Variants in USP40 observed in about 807,000 individuals in gnomAD.
USP40 encodes the protein ubiquitin carboxyl-terminal hydrolase 40.
A neutral mutation model predicts 166.2 loss-of-function variants in USP40; 143 were observed. That is an observed-to-expected ratio of 0.86 (90% CI 0.75 to 0.99). The LOEUF is 0.99. Ranked by LOEUF, USP40 falls within the 50% of genes least tolerant of loss-of-function variation. USP40 has a pLI of 0.00. For synonymous variants in USP40, 498 were observed against 524.0 expected, an observed-to-expected ratio of 0.95 and a Z score of 0.68; for missense variants, 1,444 against 1,479.7, an observed-to-expected ratio of 0.98 and a Z score of 0.40.
chr2:233,477,106 GA>G lies in USP40; in HGVS notation c.*285del, dbSNP rs959207850. On this transcript the variant is annotated 3_prime_UTR_variant, in exon 32 of 32. Transcript: ENST00000678225. ...CACGTTGTGCATTTTCTGGTTAAAAGAAAAAAAAAGGCAGCTGGGGCCGGGT... is the reference window on the plus strand; with the variant it reads ...CACGTTGTGCATTTTCTGGTTAAAAGAAAAAAAAGGCAGCTGGGGCCGGGT... The G allele has an allele frequency of 1.6e-4, 70 of 426,056 alleles. No homozygotes were observed. Among genetic ancestry groups the G allele is most frequent in the Middle Eastern group, 6.9e-4 (1 of 1,440 alleles). 26.4% of individuals were successfully genotyped at this position (426,056 alleles called of 1,614,324 possible).
intron 13 of USP40, among the ~76,000 whole-genome samples, chr2:233,526,193 T>C (rs838551): frequency 0.28 from 41,850 of 152,066 alleles, 6,668 homozygotes; most frequent in African/African-American, 0.45. Flanking sequence ...TATTTACAAG[T>C]GATTAGTTTG....
chr2:233,559,894 A>G lies in USP40; in HGVS notation c.298T>C (p.Leu100=). The part of the protein sequence containing the change: ...VRIIPLQLQR[L]FAQLLLLDQE... Reference sequence around the variant, plus strand: ...TCTAAGAGCAGAAGCTGAGCAAACAAGCGCTGTAACTGTAAAGGGATGATT... The same window carrying G: ...TCTAAGAGCAGAAGCTGAGCAAACAGGCGCTGTAACTGTAAAGGGATGATT... Residue 100 remains leucine (L), a synonymous_variant, in exon 4 of 32, where the codon TTG becomes CTG. Coordinates refer to ENST00000678225, the MANE Select transcript of USP40 (RefSeq NM_001365479.2). 1.2e-6 allele frequency: 2 copies of G among 1,609,014 alleles called. No homozygotes were observed. The highest frequency in any genetic ancestry group is 1.7e-6 in the Non-Finnish European group (2 of 1,177,718).
chr2:233,521,531 G>A (rs992254633), intron 16 of USP40, among the ~76,000 whole-genome samples: 3 of 152,168 alleles, frequency 2.0e-5, no homozygotes, highest in African/African-American at 7.2e-5. Flanking sequence ...TCTAAGGAGT[G>A]TCACACATGG....
Position 233,549,223 on chromosome 2 carries a change from A to C in USP40, c.844T>G (p.Leu282Val), listed in dbSNP as rs1408691249. The change falls in exon 8 of 32, where the codon TTG (leucine) becomes GTG (valine). Residue 282 changes from leucine (L) to valine (V), a missense_variant. Leu to Val is a conservative substitution (Grantham distance 32, BLOSUM62 1). Coordinates refer to ENST00000678225, the MANE Select transcript of USP40 (RefSeq NM_001365479.2). ...TCATATATATATTCTAAGTCATCCA[A>C]TTCACTCTAAAAGAAAAAAGAACAA... ...NLKPFCEQSE[L>V]DDLEYIYDLF... The C allele has an allele frequency of 1.4e-6, 2 of 1,420,690 alleles. No homozygotes were observed. The highest frequency in any genetic ancestry group is 2.8e-5 in the African/African-American group (2 of 70,416). The allele number at this position is 1,420,690 out of a possible 1,614,324, so 88.0% of individuals were successfully genotyped here. A position where few individuals can be genotyped will look rare whatever the true frequency, so the allele number is the denominator to read the frequency against.
intron 24 of USP40, among the ~76,000 whole-genome samples, chr2:233,494,934 A>ATATATATT (rs2065607539): frequency 2.3e-5 from 1 of 43,198 alleles, no homozygotes; most frequent in Non-Finnish European, 4.1e-5. Flanking sequence ...ATATATATAT[A>ATATATATT]TATATATATA....
intron 3 of USP40, chr2:233,561,157 T>C: frequency 6.4e-7 from 1 of 1,574,386 alleles, no homozygotes; most frequent in South Asian, 1.2e-5. Context: ...ATAGATGTAA[T>C]ACCTTTGCAT....
Position 233,524,438 on chromosome 2 carries a change from G to T in USP40, c.1881+54C>A. 2.0e-6 allele frequency: 3 copies of T among 1,518,574 alleles called. No homozygotes were observed. In the South Asian group the frequency reaches 3.6e-5, roughly 18 times the overall value. The allele number at this position is 1,518,574 out of a possible 1,614,324, so 94.1% of individuals were successfully genotyped here. A position where few individuals can be genotyped will look rare whatever the true frequency, so the allele number is the denominator to read the frequency against. Reference sequence around the variant, plus strand: ...AGCCACCATGCCCGGCCATTACGATGACTTTTAAAACATCCAAAATTATCA... The same window carrying T: ...AGCCACCATGCCCGGCCATTACGATTACTTTTAAAACATCCAAAATTATCA... On this transcript the variant is annotated intron_variant, in intron 15 of 31. Coordinates refer to ENST00000678225, the MANE Select transcript of USP40 (RefSeq NM_001365479.2).
intron 24 of USP40, among the ~76,000 whole-genome samples, chr2:233,494,987 C>CAAAAAA (rs1559224605): frequency 1.5e-5 from 1 of 67,852 alleles, no homozygotes; most frequent in Non-Finnish European, 2.8e-5. Flanking sequence ...TATACACACA[C>CAAAAAA]ATAAAAAATA....
In USP40 at chr2:233,485,632, G is replaced by A. The variant is rs1195710380; in HGVS notation, c.3409-6C>T. 42 of 1,611,372 alleles carry A rather than the reference G, an allele frequency of 2.6e-5. No homozygotes were observed. The highest frequency in any genetic ancestry group is 3.6e-5 in the Non-Finnish European group (42 of 1,178,804). On this transcript the variant is annotated splice_polypyrimidine_tract_variant and splice_region_variant and intron_variant, in intron 29 of 31. Coordinates refer to ENST00000678225, the MANE Select transcript of USP40 (RefSeq NM_001365479.2). ...CTCTTGGTTATTTGTTGGTTCTATGGGAAAATCAAACATCTTAAATAAGCA... is the reference window on the plus strand; with the variant it reads ...CTCTTGGTTATTTGTTGGTTCTATGAGAAAATCAAACATCTTAAATAAGCA...
chr2:233,558,305 G>A (rs1288222188), intron 4 of USP40, among the ~76,000 whole-genome samples: 1 of 150,268 alleles, frequency 6.7e-6, no homozygotes, highest in South Asian at 2.1e-4. Flanking sequence ...GCATTAAGAA[G>A]AAACCAGCAA....
At chr2:233,566,658 G>T in intron 1 of USP40, 26 bp downstream of exon 1, 1 of 983,268 alleles carries the variant, frequency 1.0e-6, no homozygotes, top group South Asian at 4.7e-5. Context: ...TCCCTCCCAG[G>T]ATCCCCGGGC....
At chr2:233,556,391 T>G (rs2071102966) in intron 5 of USP40, among the ~76,000 whole-genome samples, 1 of 152,144 alleles carries the variant, frequency 6.6e-6, no homozygotes, top group South Asian at 2.1e-4. Flanking sequence ...ATATAATATA[T>G]AAACATAAGC....
At position 233,477,240 on chromosome 2, in the gene USP40, T is replaced by C; in HGVS notation, c.*152A>G. On this transcript the variant is annotated 3_prime_UTR_variant, in exon 32 of 32. Transcript: ENST00000678225. The stretch of plus-strand genomic sequence containing the variant: ...TGCAGAGCTAAGTGACTACATGCAC[T>C]GGCCAGGCCTCAGAGGAGCCGTCCC... 1.4e-6 allele frequency: 1 copy of C among 730,396 alleles called. No homozygotes were observed. Among genetic ancestry groups the C allele is most frequent in the Non-Finnish European group, 2.4e-6 (1 of 422,562 alleles). The allele number at this position is 730,396 out of a possible 1,614,324, so 45.2% of individuals were successfully genotyped here. A position where few individuals can be genotyped will look rare whatever the true frequency, so the allele number is the denominator to read the frequency against.
At position 233,540,730 on chromosome 2, in the gene USP40, T is replaced by C. The variant is rs2069332456; in HGVS notation, c.1102A>G (p.Lys368Glu). ...NLIPVDQLGQ[K>E]LLKKIGISWN... ...GATATTCCTATCTTTTTCAAAAGTTTCTGGCCCAGCTGATCAACAGGAATT... is the reference window on the plus strand; with the variant it reads ...GATATTCCTATCTTTTTCAAAAGTTCCTGGCCCAGCTGATCAACAGGAATT... The change falls in exon 10 of 32, where the codon AAA becomes GAA. Residue 368 changes from lysine to glutamate, a missense_variant. Lys to Glu is a moderately conservative substitution (Grantham distance 56). Coordinates refer to ENST00000678225, the MANE Select transcript of USP40 (RefSeq NM_001365479.2). The C allele has an allele frequency of 6.2e-7, 1 of 1,613,502 alleles. No homozygotes were observed. The highest frequency in any genetic ancestry group is 1.3e-5 in the African/African-American group (1 of 74,908).
intron 10 of USP40, among the ~76,000 whole-genome samples, chr2:233,534,418 C>G (rs556452452): frequency 1.3e-5 from 2 of 152,182 alleles, no homozygotes; most frequent in African/African-American, 4.8e-5. Context: ...ACTCTTTAAC[C>G]TCTGTCTGGC....
chr2:233,533,351 G>T, intron 11 of USP40, 128 bp downstream of exon 11: 1 of 952,302 alleles, frequency 1.1e-6, no homozygotes. Flanking sequence ...GTTCTTGTTA[G>T]CTTTAAAATA....
At chr2:233,490,160 CTTTTTTTTTTTT>C (rs545796570) in intron 26 of USP40, among the ~76,000 whole-genome samples, 1 of 131,664 alleles carries the variant, frequency 7.6e-6, no homozygotes, top group Non-Finnish European at 1.6e-5. Context: ...TTCTTTTCTC[CTTTTTTTTTTTT>C]TTTTTTTTTG....
intron 31 of USP40, among the ~76,000 whole-genome samples, chr2:233,479,628 C>CGTGTGTGTGT (rs72454809): frequency 0.011 from 1,572 of 145,468 alleles, 12 homozygotes; most frequent in African/African-American, 0.02. Flanking sequence ...TAGAATTTTA[C>CGTGTGTGTGT]GTGTGTGTGT....
intron 27 of USP40, among the ~76,000 whole-genome samples, chr2:233,488,920 GAAAAGGAAA>G (rs2065128455): frequency 6.6e-6 from 1 of 151,554 alleles, no homozygotes; most frequent in Non-Finnish European, 1.5e-5. Context: ...AGAAAAGAAA[GAAAAGGAAA>G]GAAAGGAAAG....
Sources: gnomAD v4.1 joint callset for allele counts (sites outside exome capture counted in the v4.1 genomes callset) on GRCh38, gnomAD v4.1.1 for gene constraint, MANE v1.5 for transcripts, NCBI Gene and HGNC (gene_info 2026-07-23, HGNC 2026-07-21) for gene names.